The following NIM1K variants were observed in gnomAD, a reference collection of about 807,000 sequenced individuals.
The protein encoded by NIM1K is serine/threonine-protein kinase NIM1.
In NIM1K, 35 loss-of-function variants were observed where a neutral mutation model predicts 37.1. The ratio of observed to expected loss-of-function variants is 0.94; its 90% CI spans 0.72 to 1.25. The LOEUF is 1.25. Ranked by LOEUF, NIM1K falls within the 50% of genes most tolerant of loss-of-function variation. The probability of loss-of-function intolerance (pLI) is 0.00; values close to 1 mark genes in which losing one functional copy is unlikely to be tolerated. For missense variants in NIM1K, 564 were observed against 548.0 expected (o/e 1.03, Z -0.29); for synonymous variants, 234 against 206.6 (o/e 1.13, Z -1.14).
intron 1 of NIM1K, among the ~76,000 whole-genome samples, chr5:43,230,350 G>C (rs1752519688): frequency 6.6e-6 from 1 of 151,880 alleles, no homozygotes; most frequent in Non-Finnish European, 1.5e-5. Flanking sequence ...CTAGCTAGCA[G>C]GAAGATGGGA....
intron 1 of NIM1K, chr5:43,232,862 C>G (rs1164802191): frequency 5.6e-6 from 6 of 1,078,254 alleles, no homozygotes; most frequent in Admixed American, 1.7e-5. Flanking sequence ...TGCCTTCAGG[C>G]ATAGTTACTG....
intron 1 of NIM1K, among the ~76,000 whole-genome samples, chr5:43,219,843 C>T (rs376924125): frequency 7.5e-3 from 51 of 6,830 alleles, no homozygotes; most frequent in Middle Eastern, 0.5. Context: ...CTGCCTCAGC[C>T]GCCCGAGTGA....
rs374908999 is a variant in NIM1K at position 43,225,525 on chromosome 5, G to T, written c.-694-19557G>T. On this transcript the variant is annotated intron_variant, in intron 1 of 3. Transcript: ENST00000326035. ...TTGTCTTTACTTGAAGGTTTTGAAG[G>T]TGGGACCTTCTTCTGAATCTTTCTA... is the stretch of plus-strand genomic sequence containing the variant. 4.6e-5 allele frequency: 7 copies of T among 152,316 alleles called. 1 individual carries two copies. In the East Asian group the frequency reaches 1.2e-3, roughly 25 times the overall value. The allele number at this position is 152,316 out of a possible 1,614,324, so 9.4% of individuals were successfully genotyped here. A position where few individuals can be genotyped will look rare whatever the true frequency, so the allele number is the denominator to read the frequency against.
chr5:43,195,070 T>C (rs918188344), intron 1 of NIM1K, among the ~76,000 whole-genome samples: 1 of 152,240 alleles, frequency 6.6e-6, no homozygotes, highest in African/African-American at 2.4e-5. Flanking sequence ...AATTCATTGG[T>C]TGATTTTCTT....
intron 1 of NIM1K, among the ~76,000 whole-genome samples, chr5:43,219,344 T>C (rs188976753): frequency 2.6e-5 from 4 of 152,180 alleles, no homozygotes; most frequent in African/African-American, 9.7e-5. Context: ...GTCTCAGGTA[T>C]GTCTTTATTA....
Position 43,207,303 on chromosome 5 carries a change from G to A in NIM1K, c.-695+14892G>A. ...GGAGAGAGAGATGGGGGCATATTGT[G>A]TGAAATAGTCAAACTAAAACCAAAG... On this transcript the variant is annotated intron_variant, in intron 1 of 3. Coordinates refer to ENST00000326035, the MANE Select transcript of NIM1K (RefSeq NM_153361.4). The A allele has an allele frequency of 1.4e-5, 11 of 763,050 alleles. No individual in the cohort carries two copies. In the South Asian group the frequency reaches 1.5e-4, roughly 10 times the overall value. The allele number at this position is 763,050 out of a possible 1,614,324, so 47.3% of individuals were successfully genotyped here.
chr5:43,211,241 A>T (rs1026953891), intron 1 of NIM1K, among the ~76,000 whole-genome samples: 2 of 152,052 alleles, frequency 1.3e-5, no homozygotes, highest in African/African-American at 4.8e-5. Context: ...AGATTATGGG[A>T]GGGGGGTGGA....
At chr5:43,223,365 A>ATAGT (rs1752408645) in intron 1 of NIM1K, among the ~76,000 whole-genome samples, 1 of 152,198 alleles carries the variant, frequency 6.6e-6, no homozygotes, top group Non-Finnish European at 1.5e-5. Context: ...TAAGGATTAA[A>ATAGT]TAGTTAATAC....
In NIM1K at chr5:43,245,578, G is replaced by T. The variant is rs898542559; in HGVS notation, c.-198G>T. ...TGAGTGAGGCGAGCAGCTCCTGGCT[G>T]GGCTGGGCAGACTCAGCTACCACGT... is the stretch of plus-strand genomic sequence containing the variant. On this transcript the variant is annotated 5_prime_UTR_variant, in exon 2 of 4. Transcript: ENST00000326035. 1.9e-6 allele frequency: 1 copy of T among 516,504 alleles called. No homozygotes were observed. The highest frequency in any genetic ancestry group is 3.4e-5 in the Admixed American group (1 of 29,258). The allele number at this position is 516,504 out of a possible 1,614,324, so 32.0% of individuals were successfully genotyped here. A position where few individuals can be genotyped will look rare whatever the true frequency, so the allele number is the denominator to read the frequency against.
intron 1 of NIM1K, among the ~76,000 whole-genome samples, chr5:43,214,385 A>G (rs1431299184): frequency 6.6e-6 from 1 of 152,136 alleles, no homozygotes; most frequent in Non-Finnish European, 1.5e-5. Flanking sequence ...CTTCTACCCC[A>G]ATTTCATTTC....
Position 43,206,731 on chromosome 5 carries a change from T to C in NIM1K, c.-695+14320T>C, listed in dbSNP as rs117560667. The C allele has an allele frequency of 1.1e-3, 821 of 735,346 alleles. 4 individuals are homozygous for C. In the East Asian group the frequency reaches 0.018, roughly 16 times the overall value. The allele number at this position is 735,346 out of a possible 1,614,324, so 45.6% of individuals were successfully genotyped here. ...TCACTAAGGCAGCAGCACAGCACAC[T>C]TGACTTCATGCTTGGCACCAAAGCT... On this transcript the variant is annotated intron_variant, in intron 1 of 3. Coordinates refer to ENST00000326035, the MANE Select transcript of NIM1K (RefSeq NM_153361.4).
intron 2 of NIM1K, among the ~76,000 whole-genome samples, chr5:43,253,924 G>T (rs1752905065): frequency 6.6e-6 from 1 of 152,114 alleles, no homozygotes; most frequent in Admixed American, 6.5e-5. Flanking sequence ...GCCTCCCAAA[G>T]TGCTGGGATT....
rs1752551494 is a variant in NIM1K at position 43,232,325 on chromosome 5, A to G, written c.-694-12757A>G. The G allele has an allele frequency of 5.5e-6, 7 of 1,275,726 alleles. No homozygotes were observed. The South Asian group carries it at 5.9e-5, about 11-fold the overall frequency. 79.0% of individuals were successfully genotyped at this position (1,275,726 alleles called of 1,614,324 possible). Reference sequence around the variant, plus strand: ...AGTCTCTGCTACAGAAAGCTGTTTCATGGTAGGCTTTCTCAGCAGAGATGA... The same window carrying G: ...AGTCTCTGCTACAGAAAGCTGTTTCGTGGTAGGCTTTCTCAGCAGAGATGA... On this transcript the variant is annotated intron_variant, in intron 1 of 3. Transcript: ENST00000326035.
chr5:43,247,729 A>T (rs1480382766), intron 2 of NIM1K, among the ~76,000 whole-genome samples: 3 of 152,244 alleles, frequency 2.0e-5, no homozygotes, highest in Non-Finnish European at 2.9e-5. Flanking sequence ...TACTGCAGAC[A>T]GCTTTTAAAA....
chr5:43,274,892 A>G lies in NIM1K; in HGVS notation c.293-2165A>G, dbSNP rs577536287. Reference sequence around the variant, plus strand: ...AGCAGTTATTTTGTAAGTAGGTCAAACAGGTACTTTGGGATCCTGTTCTGT... The same window carrying G: ...AGCAGTTATTTTGTAAGTAGGTCAAGCAGGTACTTTGGGATCCTGTTCTGT... On this transcript the variant is annotated intron_variant, in intron 2 of 3. Coordinates refer to ENST00000326035, the MANE Select transcript of NIM1K (RefSeq NM_153361.4). Among the ~76,000 whole-genome samples the G allele has an allele frequency of 3.3e-5, 5 of 152,354 alleles. No homozygotes were observed. In the South Asian group the frequency reaches 6.2e-4, roughly 19 times the overall value.
intron 1 of NIM1K, among the ~76,000 whole-genome samples, chr5:43,197,596 G>A (rs1297881292): frequency 6.6e-6 from 1 of 152,190 alleles, no homozygotes; most frequent in Non-Finnish European, 1.5e-5. Context: ...AGCTCCTACA[G>A]AACACAGAGG....
intron 2 of NIM1K, among the ~76,000 whole-genome samples, chr5:43,264,740 T>C (rs906666070): frequency 6.6e-6 from 1 of 152,178 alleles, no homozygotes; most frequent in Non-Finnish European, 1.5e-5. Flanking sequence ...ATTTGGCATG[T>C]TTTTGCAGTG....
chr5:43,250,834 A>T (rs1441532277), intron 2 of NIM1K, among the ~76,000 whole-genome samples: 1 of 152,214 alleles, frequency 6.6e-6, no homozygotes, highest in African/African-American at 2.4e-5. Flanking sequence ...GTTTCATACA[A>T]GTGTGGGTTC....
chr5:43,204,685 A>G (rs1579954590), intron 1 of NIM1K, among the ~76,000 whole-genome samples: 1 of 145,110 alleles, frequency 6.9e-6, no homozygotes, highest in South Asian at 2.2e-4. Context: ...AGCCTGGGCA[A>G]CAGAAAGAGG....
Sources: gnomAD v4.1 joint callset for allele counts (sites outside exome capture counted in the v4.1 genomes callset) on GRCh38, gnomAD v4.1.1 for gene constraint, MANE v1.5 for transcripts, NCBI Gene and HGNC (gene_info 2026-07-23, HGNC 2026-07-21) for gene names.